Variants in BACH2 observed in about 807,000 individuals in gnomAD.
BACH2 encodes transcription regulator protein BACH2.
BACH2 carries 5 observed loss-of-function variants against 61.8 expected under a neutral mutation model. That is an observed-to-expected ratio of 0.08 (90% confidence interval 0.04 to 0.17). The LOEUF is 0.17. Among genes scored for constraint, BACH2 ranks in the 10% least tolerant of loss-of-function variants. The pLI is 1.00. For synonymous variants in BACH2, 446 were observed against 440.1 expected, an observed-to-expected ratio of 1.01 and a Z score of -0.17; for missense variants, 824 against 1,091.1, an observed-to-expected ratio of 0.76 and a Z score of 3.45.
At chr6:90,269,605 GGCACATTTTGATGTTT>G (rs1771455722) in intron 2 of BACH2, among the ~76,000 whole-genome samples, 1 of 152,060 alleles carries the variant, frequency 6.6e-6, no homozygotes, top group African/African-American at 2.4e-5. Context: ...CAAAAGACAG[GGCACATTTTGATGTTT>G]TGAGAATTTC....
At chr6:89,995,113 G>A (rs1776775095) in intron 6 of BACH2, among the ~76,000 whole-genome samples, 1 of 152,126 alleles carries the variant, frequency 6.6e-6, no homozygotes, top group Non-Finnish European at 1.5e-5. Context: ...CCAGGACCAT[G>A]AACTACATCT....
At chr6:90,108,117 A>G (rs1783006509) in intron 4 of BACH2, among the ~76,000 whole-genome samples, 1 of 152,198 alleles carries the variant, frequency 6.6e-6, no homozygotes, top group Non-Finnish European at 1.5e-5. Flanking sequence ...GGACTGATAC[A>G]AGTCCCAGTC....
In BACH2 at chr6:89,990,461, C is replaced by T. The variant is rs1776481865; in HGVS notation, c.243+18141G>A. 3.3e-5 allele frequency among the ~76,000 whole-genome samples: 5 copies of T among 152,304 alleles called. No individual in the cohort carries two copies. The South Asian group carries it at 1.0e-3, about 32-fold the overall frequency. On this transcript the variant is annotated intron_variant, in intron 6 of 8. Coordinates refer to ENST00000257749, the MANE Select transcript of BACH2 (RefSeq NM_021813.4). ...TCATCTTGCCATCCACCTACCCAAC[C>T]CTGTGTCTCCTCTCCCAGACACTTT...
chr6:90,010,822 T>C (rs895941174), intron 5 of BACH2, among the ~76,000 whole-genome samples: 1 of 152,248 alleles, frequency 6.6e-6, no homozygotes, highest in African/African-American at 2.4e-5. Context: ...TTTAATTTGC[T>C]TTCTCTAATG....
chr6:90,029,823 T>C (rs1778861225), intron 5 of BACH2, among the ~76,000 whole-genome samples: 1 of 152,230 alleles, frequency 6.6e-6, no homozygotes, highest in Non-Finnish European at 1.5e-5. Flanking sequence ...CCTATCCATT[T>C]ATCCACAGAA....
intron 5 of BACH2, among the ~76,000 whole-genome samples, chr6:90,055,687 T>G (rs1040557656): frequency 1.3e-5 from 2 of 150,196 alleles, no homozygotes; most frequent in Admixed American, 1.3e-4. Context: ...TTCACCAAAG[T>G]TGAAATGAAG....
chr6:90,121,171 C>T (rs907192628), intron 4 of BACH2, among the ~76,000 whole-genome samples: 2 of 152,142 alleles, frequency 1.3e-5, no homozygotes, highest in African/African-American at 2.4e-5. Context: ...GACCCAAACT[C>T]GAAGAAAAGG....
At chr6:90,014,468 A>ATATATTTTT (rs1222156456) in intron 5 of BACH2, among the ~76,000 whole-genome samples, 2 of 32,306 alleles carry the variant, frequency 6.2e-5, no homozygotes, top group African/African-American at 4.1e-4. Flanking sequence ...ATATATATAT[A>ATATATTTTT]TTTTTTTTTT....
At chr6:90,280,029 G>A (rs1431784215) in intron 1 of BACH2, among the ~76,000 whole-genome samples, 1 of 152,070 alleles carries the variant, frequency 6.6e-6, no homozygotes. Flanking sequence ...CTCAGATCTA[G>A]AATCTAAAAG....
At chr6:90,077,120 C>A (rs887714105) in intron 5 of BACH2, among the ~76,000 whole-genome samples, 1 of 152,132 alleles carries the variant, frequency 6.6e-6, no homozygotes, top group African/African-American at 2.4e-5. Context: ...TTAAAACTGG[C>A]AGTTTTGCAG....
At chr6:89,949,058 C>T (rs1002947896) in intron 7 of BACH2, among the ~76,000 whole-genome samples, 7 of 152,154 alleles carry the variant, frequency 4.6e-5, no homozygotes, top group East Asian at 1.9e-4. Context: ...ATGTGCTTCT[C>T]GCCAATCTTG....
intron 4 of BACH2, among the ~76,000 whole-genome samples, chr6:90,159,776 G>A (rs1201398605): frequency 6.6e-6 from 1 of 152,170 alleles, no homozygotes; most frequent in Non-Finnish European, 1.5e-5. Context: ...TACAAAACTG[G>A]GGATGGGAAA....
At chr6:90,119,798 GA>G (rs1346717432) in intron 4 of BACH2, among the ~76,000 whole-genome samples, 1 of 151,840 alleles carries the variant, frequency 6.6e-6, no homozygotes, top group African/African-American at 2.4e-5. Flanking sequence ...CATCCACCTT[GA>G]AAAAAAATCT....
At chr6:90,026,501 A>G (rs1778644355) in intron 5 of BACH2, among the ~76,000 whole-genome samples, 1 of 152,180 alleles carries the variant, frequency 6.6e-6, no homozygotes, top group Admixed American at 6.5e-5. Context: ...TATAGATGCT[A>G]ATATGTATAA....
rs771270059 is a variant in BACH2 at position 89,950,970 on chromosome 6, C to T, written c.1136G>A (p.Gly379Asp). The change falls in exon 7 of 9, where the codon GGT (glycine) becomes GAT (aspartate). Residue 379 changes from glycine to aspartate, a missense_variant. By Grantham distance (94) the Gly-to-Asp change is moderately conservative. Around this residue, in one of 8 missense-constraint regions of BACH2, gnomAD observed 226 missense variants for 228.5 expected, o/e 0.99. Coordinates refer to ENST00000257749, the MANE Select transcript of BACH2 (RefSeq NM_021813.4). The surrounding 1 kb of genome is among the most constrained non-coding windows in gnomAD (Gnocchi z 5.3). ...AGGGGTGTAGTCAGTTTTAAGGTCA[C>T]CCTGAGTGATCCCCTTGTCAAAAGG... The part of the protein sequence containing the change: ...ACPFDKGITQ[G>D]DLKTDYTPFT... 1.3e-6 allele frequency: 2 copies of T among 1,574,306 alleles called. No homozygotes were observed. Among genetic ancestry groups the T allele is most frequent in the African/African-American group, 1.4e-5 (1 of 73,986 alleles).
At chr6:90,138,273 C>T (rs1449279366) in intron 4 of BACH2, among the ~76,000 whole-genome samples, 4 of 152,156 alleles carry the variant, frequency 2.6e-5, no homozygotes, top group Non-Finnish European at 5.9e-5. Context: ...GAGGTCGAGG[C>T]GGGTGGATCA....
chr6:90,048,087 T>A (rs762993638), intron 5 of BACH2, among the ~76,000 whole-genome samples: 3 of 152,124 alleles, frequency 2.0e-5, no homozygotes, highest in Non-Finnish European at 2.9e-5. Context: ...AGTGAGGGTA[T>A]AATAACCGAG....
chr6:90,274,194 CACTT>C (rs1771619450), intron 1 of BACH2, among the ~76,000 whole-genome samples: 1 of 152,286 alleles, frequency 6.6e-6, no homozygotes, highest in African/African-American at 2.4e-5. Flanking sequence ...CATTTTGACA[CACTT>C]AATCTTCCAA....
intron 3 of BACH2, among the ~76,000 whole-genome samples, chr6:90,243,085 G>A (rs1020169835): frequency 7.5e-6 from 1 of 133,890 alleles, no homozygotes; most frequent in Non-Finnish European, 1.6e-5. Context: ...GTAGAGACAA[G>A]GTTTCTCCAT....
Sources: allele counts gnomAD v4.1 joint callset (sites outside exome capture counted in the v4.1 genomes callset), GRCh38; gene constraint gnomAD v4.1.1; regional missense constraint gnomAD v4.1.1; non-coding constraint Gnocchi (gnomAD v3.1); transcripts MANE v1.5; gene names NCBI Gene and HGNC (gene_info 2026-07-23, HGNC 2026-07-21).